The following ARHGAP26 variants were observed in gnomAD, a reference collection of about 807,000 sequenced individuals.
The protein encoded by ARHGAP26 is rho GTPase-activating protein 26.
Under a neutral mutation model 104.8 loss-of-function variants are expected in ARHGAP26, and 38 were observed. The ratio of observed to expected loss-of-function variants is 0.36; its 90% CI spans 0.28 to 0.48. The LOEUF is 0.48. Among genes scored for constraint, ARHGAP26 ranks in the 20% least tolerant of loss-of-function variants. The pLI, the probability that ARHGAP26 is intolerant of heterozygous loss-of-function variation, is 0.99. For synonymous variants in ARHGAP26, 341 were observed against 340.0 expected (o/e 1.00, Z -0.03); for missense variants, 704 against 947.9 (o/e 0.74, Z 3.38).
chr5:143,161,798 T>G (rs944410915), intron 20 of ARHGAP26, among the ~76,000 whole-genome samples: 3 of 152,206 alleles, frequency 2.0e-5, no homozygotes, highest in Non-Finnish European at 4.4e-5. Flanking sequence ...AAAAGAGGCT[T>G]TTTGTTTTGT....
chr5:143,149,209 G>T (rs1799519237), intron 20 of ARHGAP26, among the ~76,000 whole-genome samples: 1 of 152,138 alleles, frequency 6.6e-6, no homozygotes, highest in Non-Finnish European at 1.5e-5. Flanking sequence ...GGAAGGGAGG[G>T]TGATAACAGG....
At chr5:142,801,282 C>A (rs796891026) in intron 1 of ARHGAP26, among the ~76,000 whole-genome samples, 13 of 152,310 alleles carry the variant, frequency 8.5e-5, no homozygotes, top group African/African-American at 2.6e-4. Context: ...CTGTGCTATT[C>A]TAGTGCTGCA....
At chr5:142,963,651 G>A (rs1403958601) in intron 11 of ARHGAP26, among the ~76,000 whole-genome samples, 3 of 152,068 alleles carry the variant, frequency 2.0e-5, no homozygotes, top group East Asian at 3.9e-4. Context: ...TGTCACCTGT[G>A]CCTTCTCAGA....
intron 1 of ARHGAP26, among the ~76,000 whole-genome samples, chr5:142,800,137 A>G (rs542206638): frequency 6.6e-6 from 1 of 152,356 alleles, no homozygotes; most frequent in African/African-American, 2.4e-5. Flanking sequence ...GTAATAAGTA[A>G]CTATAAAAAA....
intron 11 of ARHGAP26, among the ~76,000 whole-genome samples, chr5:142,963,172 GTATATATA>G (rs58576577): frequency 1.1e-5 from 1 of 89,080 alleles, no homozygotes; most frequent in Non-Finnish European, 2.1e-5. Context: ...TGGTATATAT[GTATATATA>G]TATATATATA....
In ARHGAP26 at chr5:142,907,762, A is replaced by G; in HGVS notation, c.891A>G (p.Gln297=). The stretch of plus-strand genomic sequence containing the variant: ...GTACATATCAACGGGATTCCAAACA[A>G]ATCACCATGGTACCATTTGACCAAA... ...HYCTYQRDSK[Q]ITMVPFDQKS... is the part of the protein sequence containing the mutation. The change falls in exon 9 of 23, where the codon CAA becomes CAG. Residue 297 remains glutamine (Q), a synonymous_variant. Transcript: ENST00000645722. 6.2e-7 allele frequency: 1 copy of G among 1,612,726 alleles called. No individual in the cohort carries two copies. The highest frequency in any genetic ancestry group is 8.5e-7 in the Non-Finnish European group (1 of 1,179,070).
At position 143,037,256 on chromosome 5, in the gene ARHGAP26, C is replaced by G. The variant is rs1232286999; in HGVS notation, c.1205C>G (p.Thr402Ser). The stretch of plus-strand genomic sequence containing the variant: ...AGGAAATGCATCCATGCTGTGGAAA[C>G]CAGAGGTAAAGTAGTTTAACAGATG... ...IIRKCIHAVE[T>S]RGINEQGLYR... is the part of the protein sequence containing the mutation. Residue 402 changes from threonine (T) to serine (S), a missense_variant, in exon 13 of 23, where the codon ACC (threonine) becomes AGC (serine). Physicochemically the swap from Thr to Ser is moderately conservative, Grantham distance 58. Around this residue, in one of 6 missense-constraint regions of ARHGAP26, gnomAD observed 287 missense variants for 438.8 expected, o/e 0.65. Coordinates refer to ENST00000645722, the MANE Select transcript of ARHGAP26 (RefSeq NM_001135608.3). The G allele has an allele frequency of 1.3e-6, 2 of 1,597,848 alleles. No individual in the cohort carries two copies. The highest frequency in any genetic ancestry group is 1.1e-5 in the South Asian group (1 of 89,678).
intron 14 of ARHGAP26, among the ~76,000 whole-genome samples, chr5:143,052,995 C>T (rs1455479419): frequency 6.6e-6 from 1 of 152,048 alleles, no homozygotes; most frequent in East Asian, 1.9e-4. Context: ...CCTCACCTGG[C>T]TTAAGGGGAA....
intron 5 of ARHGAP26, among the ~76,000 whole-genome samples, chr5:142,887,050 G>A (rs1199578177): frequency 6.6e-6 from 1 of 152,210 alleles, no homozygotes; most frequent in Non-Finnish European, 1.5e-5. Flanking sequence ...GAGTTGAGCA[G>A]GTGTGTGGTT....
chr5:142,995,412 A>T (rs1680320901), intron 11 of ARHGAP26, among the ~76,000 whole-genome samples: 2 of 152,244 alleles, frequency 1.3e-5, no homozygotes, highest in Non-Finnish European at 2.9e-5. Flanking sequence ...ATATAAAAAA[A>T]GCTCATCATC....
intron 14 of ARHGAP26, among the ~76,000 whole-genome samples, chr5:143,042,199 T>A (rs1783571051): frequency 6.6e-6 from 1 of 152,206 alleles, no homozygotes; most frequent in South Asian, 2.1e-4. Flanking sequence ...CTACTCTGTC[T>A]TTAATAGCTT....
At chr5:142,828,111 A>T (rs1767659641) in intron 1 of ARHGAP26, among the ~76,000 whole-genome samples, 1 of 152,242 alleles carries the variant, frequency 6.6e-6, no homozygotes. Flanking sequence ...TTTCCTCTAC[A>T]GGTAGGAATT....
chr5:142,871,505 T>A lies in ARHGAP26; in HGVS notation c.155-1895T>A, dbSNP rs1290746663. Among the ~76,000 whole-genome samples the A allele has an allele frequency of 1.3e-5, 2 of 152,266 alleles. No homozygotes were observed. The highest frequency in any genetic ancestry group is 4.1e-4 in the South Asian group (2 of 4,838). On this transcript the variant is annotated intron_variant, in intron 1 of 22. Coordinates refer to ENST00000645722, the MANE Select transcript of ARHGAP26 (RefSeq NM_001135608.3). This position sits in a 1 kb window ranked among gnomAD's most constrained non-coding sequence, Gnocchi z 4.1. Reference sequence around the variant, plus strand: ...CCTGTGTTACTCTTAGTGCAGACTTTGTGCGTTCTCATCAGGGAACATTCT... The same window carrying A: ...CCTGTGTTACTCTTAGTGCAGACTTAGTGCGTTCTCATCAGGGAACATTCT...
intron 17 of ARHGAP26, among the ~76,000 whole-genome samples, chr5:143,081,403 C>T (rs1207808331): frequency 1.3e-5 from 2 of 152,184 alleles, no homozygotes; most frequent in African/African-American, 4.8e-5. Context: ...AGACTAAGCA[C>T]GCTGTTTGGG....
At chr5:143,214,203 A>T (rs1809971024) in intron 22 of ARHGAP26, 115 bp downstream of exon 22, 1 of 690,592 alleles carries the variant, frequency 1.4e-6, no homozygotes, top group Non-Finnish European at 2.5e-6. Flanking sequence ...ACAATGGGTA[A>T]GAAAAAAAGT....
At chr5:143,064,772 T>C (rs1189606479) in intron 17 of ARHGAP26, among the ~76,000 whole-genome samples, 1 of 152,238 alleles carries the variant, frequency 6.6e-6, no homozygotes, top group African/African-American at 2.4e-5. Flanking sequence ...TTGTAGCCTT[T>C]AGAGATAGGA....
intron 20 of ARHGAP26, among the ~76,000 whole-genome samples, chr5:143,195,384 GTGGACATTTAGATTC>G (rs1412950477): frequency 3.9e-5 from 6 of 152,204 alleles, no homozygotes; most frequent in African/African-American, 1.4e-4. Context: ...GTTTTCAGCA[GTGGACATTTAGATTC>G]TTATTAAATC....
intron 1 of ARHGAP26, among the ~76,000 whole-genome samples, chr5:142,785,134 G>A (rs1028301283): frequency 1.3e-5 from 2 of 151,996 alleles, no homozygotes; most frequent in African/African-American, 4.8e-5. Context: ...GTTTCACTGT[G>A]TTAGCCAGGA....
chr5:143,146,518 T>C (rs570884183), intron 19 of ARHGAP26, among the ~76,000 whole-genome samples: 60 of 152,332 alleles, frequency 3.9e-4, no homozygotes, highest in African/African-American at 1.4e-3. Context: ...GTCTCTTGGC[T>C]TGGCAGTATT....
Sources: gnomAD v4.1 joint callset for allele counts (sites outside exome capture counted in the v4.1 genomes callset) on GRCh38, gnomAD v4.1.1 for gene constraint, gnomAD v4.1.1 regional missense constraint, Gnocchi (gnomAD v3.1) non-coding constraint, MANE v1.5 for transcripts, NCBI Gene and HGNC (gene_info 2026-07-23, HGNC 2026-07-21) for gene names.